Variants in C12orf42 observed in about 807,000 individuals in gnomAD.
C12orf42 encodes uncharacterized protein C12orf42.
C12orf42 carries 25 observed loss-of-function variants against 21.6 expected under a neutral mutation model. The ratio of observed to expected loss-of-function variants is 1.16; its 90% confidence interval spans 0.84 to 1.62. The LOEUF is 1.62. Among genes scored for constraint, C12orf42 ranks in the 40% most tolerant of loss-of-function variants. The probability of loss-of-function intolerance (pLI) is 0.00; values close to 1 mark genes in which losing one functional copy is unlikely to be tolerated. For missense variants in C12orf42, 483 were observed against 459.3 expected, an observed-to-expected ratio of 1.05 and a Z score of -0.47; for synonymous variants, 174 against 175.0, an observed-to-expected ratio of 0.99 and a Z score of 0.05.
chr12:103,274,888 C>T (rs1012095677), intron 5 of C12orf42, among the ~76,000 whole-genome samples: 14 of 152,252 alleles, frequency 9.2e-5, no homozygotes, highest in African/African-American at 3.4e-4. Context: ...TTTCGAGCTC[C>T]TAACTGATAT....
the C12orf42 span, among the ~76,000 whole-genome samples, chr12:103,194,522 C>A: frequency 6.6e-6 from 1 of 151,938 alleles, no homozygotes; most frequent in Non-Finnish European, 1.5e-5. Flanking sequence ...CATACACTAA[C>A]AACAAAGCAT....
At chr12:103,121,145 G>A in the C12orf42 span, among the ~76,000 whole-genome samples, 1 of 152,154 alleles carries the variant, frequency 6.6e-6, no homozygotes, top group African/African-American at 2.4e-5. Context: ...CAGGGTAAAT[G>A]TATATTAAAA....
the C12orf42 span, among the ~76,000 whole-genome samples, chr12:103,547,368 C>T: frequency 1.3e-5 from 2 of 152,142 alleles, no homozygotes; most frequent in South Asian, 2.1e-4. Context: ...TCTATTGGAC[C>T]GAGCTGAGAG....
chr12:103,220,017 C>T, the C12orf42 span, among the ~76,000 whole-genome samples: 2 of 152,100 alleles, frequency 1.3e-5, no homozygotes, highest in East Asian at 1.9e-4. Flanking sequence ...AACCCAAATG[C>T]CCATCAATAA....
the C12orf42 span, among the ~76,000 whole-genome samples, chr12:103,049,922 C>T: frequency 1.3e-5 from 2 of 152,198 alleles, no homozygotes; most frequent in Admixed American, 6.5e-5. Flanking sequence ...TCCTCTACCT[C>T]CTTCTCTGTT....
chr12:103,222,224 G>C, the C12orf42 span, among the ~76,000 whole-genome samples: 2 of 152,096 alleles, frequency 1.3e-5, no homozygotes, highest in African/African-American at 4.8e-5. Flanking sequence ...AGTCAGCGAA[G>C]GGAGATAAGG....
chr12:103,490,483 ATAT>A (rs1320409128), intron 1 of C12orf42, among the ~76,000 whole-genome samples: 3 of 152,046 alleles, frequency 2.0e-5, no homozygotes, highest in Admixed American at 6.5e-5. Flanking sequence ...AGTTTATTCA[ATAT>A]TATTATTTAT....
the C12orf42 span, among the ~76,000 whole-genome samples, chr12:103,076,543 T>A: frequency 1.1e-4 from 17 of 152,170 alleles, no homozygotes; most frequent in African/African-American, 4.1e-4. Flanking sequence ...TTTTACAAAG[T>A]CGCAAGGGGG....
chr12:103,239,448 C>G (rs1252981843), intron 10 of C12orf42, among the ~76,000 whole-genome samples: 1 of 152,210 alleles, frequency 6.6e-6, no homozygotes, highest in Non-Finnish European at 1.5e-5. Context: ...TCCACCTCTT[C>G]CAATCCATGT....
At chr12:103,531,462 T>C in the C12orf42 span, among the ~76,000 whole-genome samples, 28,960 of 152,082 alleles carry the variant, frequency 0.19, 2,858 homozygotes, top group South Asian at 0.29. Context: ...AATCAAGGGC[T>C]GTTTCCCTTG....
At chr12:103,557,062 T>C in the C12orf42 span, among the ~76,000 whole-genome samples, 4 of 152,176 alleles carry the variant, frequency 2.6e-5, no homozygotes, top group Non-Finnish European at 5.9e-5. Context: ...AAATTTGCTT[T>C]CCTTTAAGCC....
chr12:103,471,442 C>A (rs1042485080), intron 2 of C12orf42, among the ~76,000 whole-genome samples: 14 of 152,310 alleles, frequency 9.2e-5, no homozygotes, highest in African/African-American at 2.9e-4. Context: ...AAACAGCCAA[C>A]AGAGGTCAAT....
chr12:103,361,044 C>T (rs2044054096), intron 4 of C12orf42, among the ~76,000 whole-genome samples: 1 of 152,078 alleles, frequency 6.6e-6, no homozygotes, highest in Admixed American at 6.6e-5. Context: ...TTGCAGCTCT[C>T]ACTGGGACAG....
chr12:103,523,454 C>G, the C12orf42 span, among the ~76,000 whole-genome samples: 1 of 151,540 alleles, frequency 6.6e-6, no homozygotes, highest in Non-Finnish European at 1.5e-5. Flanking sequence ...GAAAGGGATC[C>G]TCATATTCCA....
intron 2 of C12orf42, among the ~76,000 whole-genome samples, chr12:103,442,083 A>G (rs2137314356): frequency 6.6e-6 from 1 of 152,252 alleles, no homozygotes; most frequent in East Asian, 1.9e-4. Context: ...GTTTAAAGTT[A>G]CAGTGAGCTA....
the C12orf42 span, among the ~76,000 whole-genome samples, chr12:103,098,594 A>G: frequency 6.6e-6 from 1 of 152,236 alleles, no homozygotes; most frequent in African/African-American, 2.4e-5. Flanking sequence ...CCTGAAAAGA[A>G]GCAAGGGTCA....
At chr12:103,367,732 T>C (rs1276409164) in intron 4 of C12orf42, among the ~76,000 whole-genome samples, 3 of 151,996 alleles carry the variant, frequency 2.0e-5, no homozygotes, top group South Asian at 4.1e-4. Context: ...TGTACCTCTT[T>C]ATATTTTTAG....
At chr12:103,215,843 G>A in the C12orf42 span, among the ~76,000 whole-genome samples, 1 of 152,162 alleles carries the variant, frequency 6.6e-6, no homozygotes, top group African/African-American at 2.4e-5. Context: ...TAAACATGCT[G>A]GATGAGAAAG....
chr12:103,154,815 T>A, the C12orf42 span, among the ~76,000 whole-genome samples: 1 of 152,208 alleles, frequency 6.6e-6, no homozygotes, highest in African/African-American at 2.4e-5. Flanking sequence ...TTTGACGTAA[T>A]CTTTGCTGGC....
Sources: gnomAD v4.1 joint callset for allele counts (sites outside exome capture counted in the v4.1 genomes callset) on GRCh38, gnomAD v4.1.1 for gene constraint, MANE v1.5 for transcripts, NCBI Gene and HGNC (gene_info 2026-07-23, HGNC 2026-07-21) for gene names.